EPSTI1: variants seen among roughly 807,000 people sequenced by gnomAD.
EPSTI1 encodes epithelial stromal interaction 1, also known as epithelial-stromal interaction protein 1.
In EPSTI1, 66 loss-of-function variants were observed where a neutral mutation model predicts 49.9. That is an observed-to-expected ratio of 1.32 (90% CI 1.08 to 1.62). EPSTI1 has a LOEUF of 1.62. EPSTI1 is among the 40% of genes most tolerant of loss of function. The pLI, the probability that EPSTI1 is intolerant of heterozygous loss-of-function variation, is 0.00. For missense variants in EPSTI1, 394 were observed against 365.5 expected, an observed-to-expected ratio of 1.08 and a Z score of -0.64; for synonymous variants, 137 against 130.7, an observed-to-expected ratio of 1.05 and a Z score of -0.33.
chr13:42,894,875 G>A (rs1221563990), intron 10 of EPSTI1, 134 bp downstream of exon 10: 5 of 685,122 alleles, frequency 7.3e-6, no homozygotes, highest in South Asian at 5.4e-5. Flanking sequence ...CTGGCTGACT[G>A]CCCATCACAC....
chr13:42,927,566 G>A (rs540655108), intron 6 of EPSTI1, among the ~76,000 whole-genome samples: 20 of 152,284 alleles, frequency 1.3e-4, no homozygotes, highest in Non-Finnish European at 2.8e-4. Context: ...TAGAACAAAT[G>A]GCATCCAGTG....
chr13:42,952,236 A>T (rs542631238), intron 6 of EPSTI1, among the ~76,000 whole-genome samples: 2 of 152,342 alleles, frequency 1.3e-5, no homozygotes, highest in African/African-American at 4.8e-5. Flanking sequence ...GTCCCCTTCC[A>T]TGCTGTGAAA....
At chr13:42,989,890 G>C (rs2040163893) in intron 1 of EPSTI1, among the ~76,000 whole-genome samples, 2 of 151,834 alleles carry the variant, frequency 1.3e-5, no homozygotes, top group Non-Finnish European at 2.9e-5. Context: ...ACCATGCCCG[G>C]CCTCTTCATT....
In EPSTI1 at chr13:42,900,343, T is replaced by C. The variant is rs369430222; in HGVS notation, c.782A>G (p.Glu261Gly). The C allele has an allele frequency of 2.5e-5, 40 of 1,613,796 alleles. No homozygotes were observed. In the African/African-American group the frequency reaches 5.1e-4, roughly 20 times the overall value. Residue 261 changes from glutamate to glycine, a missense_variant, in exon 9 of 11, where the codon GAA becomes GGA. Transcript: ENST00000313624. The stretch of plus-strand genomic sequence containing the variant: ...TTCAGTCTGGTGGATTTTGGCTCTT[T>C]CTTGCTCTTGCTGCTGCCGTTTCAG... ...LELKRQQQEQERAKIHQTEHR... is the reference protein window; with the variant it reads ...LELKRQQQEQGRAKIHQTEHR...
chr13:42,899,536 A>G (rs1208599069), intron 9 of EPSTI1, among the ~76,000 whole-genome samples: 5 of 152,166 alleles, frequency 3.3e-5, no homozygotes, highest in Non-Finnish European at 7.3e-5. Flanking sequence ...AATGAAACCA[A>G]CATAACTTAA....
At chr13:42,960,571 T>C (rs2039417338) in intron 5 of EPSTI1, among the ~76,000 whole-genome samples, 1 of 152,216 alleles carries the variant, frequency 6.6e-6, no homozygotes, top group South Asian at 2.1e-4. Flanking sequence ...GCTGGTATAA[T>C]AAATTACCAC....
chr13:42,963,213 A>G (rs1273481628), intron 5 of EPSTI1, 42 bp downstream of exon 5: 2 of 1,499,524 alleles, frequency 1.3e-6, no homozygotes, highest in African/African-American at 2.8e-5. Flanking sequence ...CGAAACTATA[A>G]TTGTTGATCA....
chr13:42,962,856 G>C (rs2039496635), intron 5 of EPSTI1, among the ~76,000 whole-genome samples: 1 of 152,150 alleles, frequency 6.6e-6, no homozygotes, highest in Non-Finnish European at 1.5e-5. Flanking sequence ...GAAGAAATTA[G>C]CTGTAAATGA....
intron 8 of EPSTI1, among the ~76,000 whole-genome samples, chr13:42,911,258 TGTGTGTGCGCGCGCACGCGCGCACAC>T (rs1270625911): frequency 5.2e-4 from 65 of 124,210 alleles, no homozygotes; most frequent in African/African-American, 1.3e-3. Context: ...TGTGTGTGTG[TGTGTGTGCGCGCGCACGCGCGCACAC>T]GTGTGTGAGT....
chr13:42,937,280 C>T lies in EPSTI1; in HGVS notation c.564-10851G>A, dbSNP rs541596038. ...GTTGTAATCTTTTTGCTGCTGGAGG[C>T]TCTTGTTGATAACCTGCTGACTAAT... On this transcript the variant is annotated intron_variant, in intron 6 of 10. Transcript: ENST00000313624. Among the ~76,000 whole-genome samples the T allele has an allele frequency of 5.3e-5, 8 of 152,276 alleles. No individual in the cohort carries two copies. The South Asian group carries it at 1.7e-3, about 32-fold the overall frequency.
chr13:42,897,361 A>G (rs2037222636), intron 9 of EPSTI1, among the ~76,000 whole-genome samples: 1 of 152,182 alleles, frequency 6.6e-6, no homozygotes, highest in Admixed American at 6.5e-5. Context: ...ACCATCTGAA[A>G]TAACAGTGCC....
At chr13:42,971,242 G>T (rs1471870781) in intron 1 of EPSTI1, among the ~76,000 whole-genome samples, 3 of 152,172 alleles carry the variant, frequency 2.0e-5, no homozygotes, top group Admixed American at 1.3e-4. Flanking sequence ...AGGCGGATCA[G>T]GGAAGACTTT....
chr13:42,982,271 C>T (rs2039999227), intron 1 of EPSTI1, among the ~76,000 whole-genome samples: 1 of 152,162 alleles, frequency 6.6e-6, no homozygotes. Flanking sequence ...CCACCAGCAC[C>T]ATGACAGTTT....
intron 1 of EPSTI1, among the ~76,000 whole-genome samples, chr13:42,972,991 C>T (rs558508498): frequency 2.0e-4 from 31 of 152,208 alleles, no homozygotes; most frequent in African/African-American, 6.0e-4. Context: ...CTGAATAGCA[C>T]GAAATAAGAA....
chr13:42,924,464 C>CA (rs2038111412), intron 7 of EPSTI1, among the ~76,000 whole-genome samples: 1 of 152,182 alleles, frequency 6.6e-6, no homozygotes, highest in Non-Finnish European at 1.5e-5. Flanking sequence ...AATAGAGCAG[C>CA]ACACGCAGTT....
chr13:42,961,882 G>A (rs61087798), intron 5 of EPSTI1, among the ~76,000 whole-genome samples: 4,273 of 152,244 alleles, frequency 0.028, 150 homozygotes, highest in South Asian at 0.09. Context: ...GGAGGGCAGC[G>A]TGTTTGCAGG....
rs910460470 is a variant in EPSTI1, at chr13:42,971,586, C to A, written c.189-916G>T. Among the ~76,000 whole-genome samples the A allele has an allele frequency of 2.7e-5, 4 of 148,482 alleles. No homozygotes were observed. In the East Asian group the frequency reaches 8.0e-4, roughly 30 times the overall value. The stretch of plus-strand genomic sequence containing the variant: ...AGAGAAATGCTGTGGATAAACACAA[C>A]CAGCTTCTAACTGTAGGATTTAAGA... On this transcript the variant is annotated intron_variant, in intron 1 of 10. Transcript: ENST00000313624.
chr13:42,974,629 C>G (rs186378476), intron 1 of EPSTI1, among the ~76,000 whole-genome samples: 1 of 151,072 alleles, frequency 6.6e-6, no homozygotes, highest in East Asian at 2.0e-4. Context: ...ACTGCACTCC[C>G]GCCTGGGCGA....
chr13:42,975,453 A>C (rs1177498695), intron 1 of EPSTI1, among the ~76,000 whole-genome samples: 4 of 152,180 alleles, frequency 2.6e-5, no homozygotes, highest in Admixed American at 6.5e-5. Context: ...TCATCAGCAC[A>C]ACTCATTGCC....
Sources: gnomAD v4.1 joint callset for allele counts (sites outside exome capture counted in the v4.1 genomes callset) on GRCh38, gnomAD v4.1.1 for gene constraint, MANE v1.5 for transcripts, NCBI Gene and HGNC (gene_info 2026-07-23, HGNC 2026-07-21) for gene names.